Variants in PAK5 observed in about 807,000 individuals in gnomAD.
PAK5 encodes p21 (RAC1) activated kinase 5, also known as serine/threonine-protein kinase PAK 5.
In PAK5, 16 loss-of-function variants were observed where a neutral mutation model predicts 65.9. That is an observed-to-expected ratio of 0.24 (90% CI 0.16 to 0.37). The LOEUF (loss-of-function observed/expected upper bound fraction) is 0.37, where lower values mean the gene tolerates loss of function less well. Among genes scored for constraint, PAK5 ranks in the 10% least tolerant of loss-of-function variants. The pLI, the probability that PAK5 is intolerant of heterozygous loss-of-function variation, is 1.00. For synonymous variants in PAK5, 371 were observed against 354.9 expected, an observed-to-expected ratio of 1.05 and a Z score of -0.51; for missense variants, 785 against 903.9, an observed-to-expected ratio of 0.87 and a Z score of 1.69.
intron 1 of PAK5, among the ~76,000 whole-genome samples, chr20:9,722,070 T>G (rs1487251951): frequency 6.6e-6 from 1 of 152,110 alleles, no homozygotes; most frequent in Non-Finnish European, 1.5e-5. Context: ...TGGTCTAGAA[T>G]GAGAGTGACA....
chr20:9,773,227 C>CTTT (rs1483034372), intron 1 of PAK5, among the ~76,000 whole-genome samples: 1 of 152,076 alleles, frequency 6.6e-6, no homozygotes, highest in Non-Finnish European at 1.5e-5. Flanking sequence ...CATTGGTTCT[C>CTTT]TTTAAGTTCT....
Position 9,621,474 on chromosome 20 carries a change from G to T in PAK5, c.204+22651C>A, listed in dbSNP as rs190776490. Among the ~76,000 whole-genome samples the T allele has an allele frequency of 2.1e-3, 293 of 138,280 alleles. 1 individual carries two copies. Among genetic ancestry groups the T allele is most frequent in the African/African-American group, 7.0e-3 (264 of 37,582 alleles). The allele number at this position is 138,280 out of a possible 152,430, so 90.7% of individuals were successfully genotyped here. A position where few individuals can be genotyped will look rare whatever the true frequency, so the allele number is the denominator to read the frequency against. On this transcript the variant is annotated intron_variant, in intron 3 of 9. Coordinates refer to ENST00000353224, the MANE Select transcript of PAK5 (RefSeq NM_177990.4). ...ATTTTTCACTCTTAGAATAAAAAAA[G>T]TCTCTTACATATTTCCAGGAAAGAG... is the stretch of plus-strand genomic sequence containing the variant.
chr20:9,720,097 G>A (rs2048196877), intron 1 of PAK5, among the ~76,000 whole-genome samples: 1 of 152,028 alleles, frequency 6.6e-6, no homozygotes, highest in South Asian at 2.1e-4. Flanking sequence ...GATGAGATGG[G>A]AGAAGAGTGG....
In PAK5 at chr20:9,666,358, G is replaced by C. The variant is rs137999101; in HGVS notation, c.-11-22019C>G. Among the ~76,000 whole-genome samples the C allele has an allele frequency of 9.1e-3, 1,296 of 143,008 alleles. 19 individuals carry two copies. The highest frequency in any genetic ancestry group is 0.032 in the African/African-American group (1,214 of 38,132). The allele number at this position is 143,008 out of a possible 152,430, so 93.8% of individuals were successfully genotyped here. A position where few individuals can be genotyped will look rare whatever the true frequency, so the allele number is the denominator to read the frequency against. On this transcript the variant is annotated intron_variant, in intron 2 of 9. Coordinates refer to ENST00000353224, the MANE Select transcript of PAK5 (RefSeq NM_177990.4). ...AATAACAGAAAGAATGAAAGGTCAG[G>C]CATCATTCTTCAATGCAGTGAGAAC... is the stretch of plus-strand genomic sequence containing the variant.
At chr20:9,607,827 TA>T (rs764119490) in intron 3 of PAK5, among the ~76,000 whole-genome samples, 4 of 150,132 alleles carry the variant, frequency 2.7e-5, no homozygotes, top group Middle Eastern at 3.4e-3. Flanking sequence ...AGACTCTGTC[TA>T]AAAAAAAAGA....
At chr20:9,779,128 C>A (rs767454647) in intron 1 of PAK5, among the ~76,000 whole-genome samples, 22 of 152,032 alleles carry the variant, frequency 1.4e-4, no homozygotes, top group Non-Finnish European at 1.8e-4. Flanking sequence ...ATATGGCTTT[C>A]TTTTACATTG....
intron 1 of PAK5, among the ~76,000 whole-genome samples, chr20:9,725,196 TG>T (rs1337441486): frequency 5.9e-5 from 9 of 152,176 alleles, no homozygotes; most frequent in Admixed American, 1.3e-4. Flanking sequence ...TCATAAGCCC[TG>T]CAACATGGGT....
At chr20:9,617,804 C>T (rs1345605118) in intron 3 of PAK5, among the ~76,000 whole-genome samples, 1 of 152,034 alleles carries the variant, frequency 6.6e-6, no homozygotes, top group Non-Finnish European at 1.5e-5. Context: ...ATCCACCCGC[C>T]TCGGCCTCCC....
At chr20:9,698,239 A>C (rs2047894799) in intron 2 of PAK5, among the ~76,000 whole-genome samples, 1 of 151,930 alleles carries the variant, frequency 6.6e-6, no homozygotes, top group African/African-American at 2.4e-5. Context: ...CTTTTCACAC[A>C]TGATTTCCTT....
chr20:9,641,841 T>C (rs200132067), intron 3 of PAK5, among the ~76,000 whole-genome samples: 220 of 152,146 alleles, frequency 1.4e-3, no homozygotes, highest in Middle Eastern at 3.4e-3. Flanking sequence ...GGTGCTAAGT[T>C]CCCCATTGCC....
intron 2 of PAK5, among the ~76,000 whole-genome samples, chr20:9,663,285 C>T (rs1227275530): frequency 1.3e-5 from 2 of 152,056 alleles, no homozygotes; most frequent in Non-Finnish European, 2.9e-5. Flanking sequence ...GTGACTGGCC[C>T]CTTGTTGGTC....
At chr20:9,657,597 CT>C (rs1337418251) in intron 2 of PAK5, among the ~76,000 whole-genome samples, 1 of 152,100 alleles carries the variant, frequency 6.6e-6, no homozygotes, top group Non-Finnish European at 1.5e-5. Flanking sequence ...CAAAATATGA[CT>C]ACTGGAGTAT....
intron 1 of PAK5, among the ~76,000 whole-genome samples, chr20:9,726,679 A>T (rs2048281023): frequency 6.6e-6 from 1 of 152,138 alleles, no homozygotes; most frequent in Admixed American, 6.5e-5. Flanking sequence ...TAGTGACCAA[A>T]GGGGAGGGAG....
At chr20:9,810,703 G>A (rs776365283) in intron 1 of PAK5, among the ~76,000 whole-genome samples, 32 of 152,096 alleles carry the variant, frequency 2.1e-4, no homozygotes, top group Non-Finnish European at 7.4e-5. Flanking sequence ...TACCTAAAAT[G>A]TACCCTCTCT....
chr20:9,754,505 T>A (rs1449836717), intron 1 of PAK5, among the ~76,000 whole-genome samples: 1 of 152,056 alleles, frequency 6.6e-6, no homozygotes, highest in Non-Finnish European at 1.5e-5. Context: ...GAGTGCAAGG[T>A]CTGAAAAATA....
rs909432953 is a variant in PAK5 at position 9,838,114 on chromosome 20, A to G, written c.-162+648T>C. ...GAGTTTGGAACCAAGATCCTCTTCC[A>G]CGCCCTGCTCACAAGGGTGCCCACA... On this transcript the variant is annotated intron_variant, in intron 1 of 9. Transcript: ENST00000353224. The surrounding 1 kb of genome is among the most constrained non-coding windows in gnomAD (Gnocchi z 4.5). Among the ~76,000 whole-genome samples the G allele has an allele frequency of 2.6e-5, 4 of 151,982 alleles. No individual in the cohort carries two copies. Among genetic ancestry groups the G allele is most frequent in the African/African-American group, 9.7e-5 (4 of 41,372 alleles).
chr20:9,590,089 G>T (rs1603234789), intron 3 of PAK5, among the ~76,000 whole-genome samples: 1 of 151,926 alleles, frequency 6.6e-6, no homozygotes, highest in Non-Finnish European at 1.5e-5. Flanking sequence ...CTGGGCTCAA[G>T]TTATTCTGGG....
intron 2 of PAK5, among the ~76,000 whole-genome samples, chr20:9,654,191 T>C (rs973420229): frequency 6.6e-6 from 1 of 152,168 alleles, no homozygotes; most frequent in African/African-American, 2.4e-5. Context: ...CAGGCTGTTC[T>C]CAAACTCCTG....
At chr20:9,589,823 A>G (rs186666607) in intron 3 of PAK5, among the ~76,000 whole-genome samples, 24 of 152,184 alleles carry the variant, frequency 1.6e-4, no homozygotes, top group Middle Eastern at 3.4e-3. Flanking sequence ...GATATGCACC[A>G]CCATGACCAG....
Sources: gnomAD v4.1 joint callset for allele counts (sites outside exome capture counted in the v4.1 genomes callset) on GRCh38, gnomAD v4.1.1 for gene constraint, Gnocchi (gnomAD v3.1) non-coding constraint, MANE v1.5 for transcripts, NCBI Gene and HGNC (gene_info 2026-07-23, HGNC 2026-07-21) for gene names.